Variants in PCGF3 observed in about 807,000 individuals in gnomAD.
PCGF3 encodes the protein polycomb group ring finger 3, also known as polycomb group RING finger protein 3.
PCGF3 carries 7 observed loss-of-function variants against 33.1 expected under a neutral mutation model. The ratio of observed to expected loss-of-function variants is 0.21; its 90% CI spans 0.12 to 0.40. The LOEUF (loss-of-function observed/expected upper bound fraction) is 0.40. Ranked by LOEUF, PCGF3 falls within the 10% of genes least tolerant of loss-of-function variation. The pLI is 1.00. For synonymous variants in PCGF3, 153 were observed against 121.3 expected (o/e 1.26, Z -1.72); for missense variants, 211 against 313.3 (o/e 0.67, Z 2.46).
At chr4:767,102 T>G (rs535444932) in exon 11 of PCGF3, 1 of 152,452 alleles carries the variant, frequency 6.6e-6, no homozygotes, top group Admixed American at 6.5e-5. Context: ...GAGGAGCTCG[T>G]GTGCTCCTTG....
At chr4:749,865 T>G (rs1307064130) in intron 8 of PCGF3, among the ~76,000 whole-genome samples, 2 of 152,242 alleles carry the variant, frequency 1.3e-5, no homozygotes, top group African/African-American at 2.4e-5. Flanking sequence ...TCACCCAACC[T>G]GGAGTGCAAT....
intron 6 of PCGF3, among the ~76,000 whole-genome samples, chr4:742,893 C>T (rs1744154625): frequency 6.6e-6 from 1 of 152,212 alleles, no homozygotes; most frequent in South Asian, 2.1e-4. Context: ...GACTCAGGCG[C>T]CTGGGACACA....
At chr4:757,572 ATGTCTTAAAT>A (rs1302258324) in intron 8 of PCGF3, 1 of 152,250 alleles carries the variant, frequency 6.6e-6, no homozygotes, top group Non-Finnish European at 1.5e-5. Context: ...TGTTCTTAAA[ATGTCTTAAAT>A]GTGACACTGT....
At chr4:748,116 T>C (rs1230226545) in intron 8 of PCGF3, among the ~76,000 whole-genome samples, 1 of 152,120 alleles carries the variant, frequency 6.6e-6, no homozygotes, top group Non-Finnish European at 1.5e-5. Context: ...TCATTTACTG[T>C]ATTACCAGAT....
intron 8 of PCGF3, among the ~76,000 whole-genome samples, chr4:758,241 C>G (rs959311841): frequency 1.3e-5 from 2 of 151,886 alleles, no homozygotes; most frequent in Non-Finnish European, 2.9e-5. Context: ...AGCACCCCCA[C>G]CGCGGCTCTC....
intron 8 of PCGF3, 108 bp from the exon 9 acceptor site, chr4:761,171 A>T: frequency 1.3e-6 from 1 of 786,584 alleles, no homozygotes; most frequent in Non-Finnish European, 1.9e-6. Flanking sequence ...GATCTCAAAA[A>T]GGTCAGCAGT....
At chr4:749,354 G>A (rs1744408485) in intron 8 of PCGF3, among the ~76,000 whole-genome samples, 1 of 151,574 alleles carries the variant, frequency 6.6e-6, no homozygotes, top group African/African-American at 2.4e-5. Flanking sequence ...AGTAGAGATG[G>A]GGTTTCTCCA....
At chr4:761,936 G>A (rs1023198644) in intron 9 of PCGF3, 16 of 985,296 alleles carry the variant, frequency 1.6e-5, no homozygotes, top group South Asian at 9.4e-5. Flanking sequence ...AGGCGCTGGC[G>A]GCTGTGGGCA....
chr4:744,651 C>G lies in PCGF3; in HGVS notation c.425C>G (p.Pro142Arg), dbSNP rs751806861. The G allele has an allele frequency of 3.8e-6, 6 of 1,560,972 alleles. No individual in the cohort carries two copies. In the South Asian group the frequency reaches 7.1e-5, roughly 18 times the overall value. Residue 142 changes from proline (P) to arginine (R), a missense_variant, in exon 8 of 11, where the codon CCG becomes CGG. Around this residue, in one of 3 missense-constraint regions of PCGF3, gnomAD observed 95 missense variants for 83.0 expected, o/e 1.14. Coordinates refer to ENST00000362003, the Ensembl canonical transcript of PCGF3. ...AACAAAGAGGCCGCGGAGGAGAAGC[C>G]GGAGGAGGACAACGACTACCACCGC...
At position 721,882 on chromosome 4, in the gene PCGF3, G is replaced by A. The variant is rs1194493416; in HGVS notation, c.-189-8748G>A. ...GCCTGTGGGAGACTGGTGGATGGGT[G>A]GCTCTGCGTGTGGGCGTGGAGAGAG... On this transcript the variant is annotated intron_variant, in intron 1 of 10. Coordinates refer to ENST00000362003, the Ensembl canonical transcript of PCGF3. The surrounding 1 kb of genome is among the most constrained non-coding windows in gnomAD (Gnocchi z 4.1). Among the ~76,000 whole-genome samples the A allele has an allele frequency of 6.7e-6, 1 of 150,004 alleles. No individual in the cohort carries two copies. Among genetic ancestry groups the A allele is most frequent in the African/African-American group, 2.5e-5 (1 of 39,600 alleles).
intron 10 of PCGF3, 36 bp from the exon 11 acceptor site, chr4:765,996 T>C (rs759887296): frequency 1.2e-5 from 19 of 1,609,116 alleles, no homozygotes; most frequent in Admixed American, 1.7e-5. Flanking sequence ...CCTCCACCCC[T>C]GCTAAGCAGG....
intron 6 of PCGF3, among the ~76,000 whole-genome samples, chr4:739,946 T>C (rs1418540748): frequency 6.6e-6 from 1 of 152,328 alleles, no homozygotes; most frequent in African/African-American, 2.4e-5. Flanking sequence ...ATATTTTCCG[T>C]TGAGTCAATA....
At chr4:719,518 G>T (rs1363296836) in intron 1 of PCGF3, among the ~76,000 whole-genome samples, 1 of 152,242 alleles carries the variant, frequency 6.6e-6, no homozygotes, top group Non-Finnish European at 1.5e-5. Context: ...CCCAGGTCCT[G>T]TGTCCTCCGC....
In PCGF3 at chr4:743,598, G is replaced by T. The variant is rs766006549; in HGVS notation, c.373+14G>T. On this transcript the variant is annotated intron_variant, in intron 7 of 10. Transcript: ENST00000362003. ...CCCATCGGAATGGTGAGTGCCCTGC[G>T]TGCCCATCCAGAAGCCCCGGGAATC... is the stretch of plus-strand genomic sequence containing the variant. 8 of 1,491,998 alleles carry T rather than the reference G, an allele frequency of 5.4e-6. No individual in the cohort carries two copies. In the African/African-American group the frequency reaches 9.7e-5, roughly 18 times the overall value. 92.4% of individuals were successfully genotyped at this position (1,491,998 alleles called of 1,614,324 possible). A position where few individuals can be genotyped will look rare whatever the true frequency, so the allele number is the denominator to read the frequency against.
At chr4:709,073 T>C (rs2109504275) in intron 1 of PCGF3, among the ~76,000 whole-genome samples, 1 of 152,338 alleles carries the variant, frequency 6.6e-6, no homozygotes, top group East Asian at 1.9e-4. Context: ...TATGCTGTCC[T>C]TTGACTAGGG....
chr4:709,446 A>C (rs905415017), intron 1 of PCGF3, among the ~76,000 whole-genome samples: 6 of 152,156 alleles, frequency 3.9e-5, no homozygotes, highest in African/African-American at 1.4e-4. Flanking sequence ...GAAAGGCAAG[A>C]GTGAATGATC....
exon 11 of PCGF3, chr4:767,939 C>CTTAGGCATTTTCCTGG (rs1745452003): frequency 1.3e-5 from 2 of 152,654 alleles, no homozygotes; most frequent in South Asian, 4.1e-4. Flanking sequence ...AACGTTAGAA[C>CTTAGGCATTTTCCTGG]TTAGGCATTT....
intron 3 of PCGF3, chr4:732,332 C>T (rs1202554420): frequency 2.1e-5 from 3 of 140,584 alleles, no homozygotes; most frequent in Non-Finnish European, 3.1e-5. Context: ...CCCTCCCCTT[C>T]CCTCCTCCCC....
At chr4:767,623 A>C (rs536803379) in exon 11 of PCGF3, 1 of 152,164 alleles carries the variant, frequency 6.6e-6, no homozygotes, top group African/African-American at 2.4e-5. Context: ...TATCTTAGGG[A>C]TGAGAAAAAC....
Sources: allele counts gnomAD v4.1 joint callset (sites outside exome capture counted in the v4.1 genomes callset), GRCh38; gene constraint gnomAD v4.1.1; regional missense constraint gnomAD v4.1.1; non-coding constraint Gnocchi (gnomAD v3.1); transcripts MANE v1.5; gene names NCBI Gene and HGNC (gene_info 2026-07-23, HGNC 2026-07-21).